ADAM22: variants seen among roughly 807,000 people sequenced by gnomAD.
ADAM22 encodes the protein ADAM metallopeptidase domain 22.
ADAM22 carries 65 observed loss-of-function variants against 144.6 expected under a neutral mutation model. The ratio of observed to expected loss-of-function variants is 0.45; its 90% CI spans 0.37 to 0.55. ADAM22 has a LOEUF of 0.55. Among genes scored for constraint, ADAM22 ranks in the 20% least tolerant of loss-of-function variants. ADAM22 has a pLI of 0.00. For missense variants in ADAM22, 974 were observed against 1,184.9 expected, an observed-to-expected ratio of 0.82 and a Z score of 2.61; for synonymous variants, 391 against 412.6, an observed-to-expected ratio of 0.95 and a Z score of 0.63.
intron 3 of ADAM22, among the ~76,000 whole-genome samples, chr7:87,999,716 A>T (rs1792082107): frequency 6.6e-6 from 1 of 152,208 alleles, no homozygotes; most frequent in African/African-American, 2.4e-5. Flanking sequence ...GTTATACGGG[A>T]TTAAAATTTT....
At chr7:88,025,640 A>G (rs183149821) in intron 3 of ADAM22, among the ~76,000 whole-genome samples, 160 of 152,234 alleles carry the variant, frequency 1.1e-3, no homozygotes, top group African/African-American at 3.3e-3. Context: ...TCCCCAATGT[A>G]TATTCTTGGC....
chr7:87,934,605 G>A (rs1490198426), intron 1 of ADAM22, 55 bp downstream of exon 1: 2 of 1,527,250 alleles, frequency 1.3e-6, no homozygotes, highest in African/African-American at 2.7e-5. Flanking sequence ...GGAATCTTTG[G>A]AGCCCTCAGG....
intron 2 of ADAM22, among the ~76,000 whole-genome samples, chr7:87,957,772 C>T (rs188455115): frequency 2.2e-4 from 34 of 152,080 alleles, no homozygotes; most frequent in African/African-American, 7.2e-4. Flanking sequence ...TTAGTAGAAA[C>T]GGGGTTTCAC....
At chr7:88,144,067 C>T (rs775449406) in intron 15 of ADAM22, among the ~76,000 whole-genome samples, 13 of 152,012 alleles carry the variant, frequency 8.6e-5, no homozygotes, top group South Asian at 6.2e-4. Context: ...TGATCAGTTT[C>T]GACCAAAAAT....
chr7:87,989,131 T>G (rs1028234683), intron 3 of ADAM22, among the ~76,000 whole-genome samples: 2 of 152,224 alleles, frequency 1.3e-5, no homozygotes, highest in African/African-American at 4.8e-5. Context: ...GTTTGGTTTT[T>G]GAAGGTGAAA....
chr7:88,156,052 C>A, intron 22 of ADAM22, 46 bp downstream of exon 22: 2 of 1,602,224 alleles, frequency 1.2e-6, no homozygotes, highest in South Asian at 2.2e-5. Flanking sequence ...TCTTATTTCT[C>A]AGGAATGCAG....
At chr7:87,998,616 C>A (rs1024610308) in intron 3 of ADAM22, among the ~76,000 whole-genome samples, 1 of 152,138 alleles carries the variant, frequency 6.6e-6, no homozygotes, top group Non-Finnish European at 1.5e-5. Flanking sequence ...GTCTCGAACT[C>A]TTGACCTTGT....
chr7:88,001,674 T>G (rs902971597), intron 3 of ADAM22, among the ~76,000 whole-genome samples: 2 of 152,038 alleles, frequency 1.3e-5, no homozygotes, highest in Admixed American at 1.3e-4. Context: ...AGGTCAGAAC[T>G]GATTGTGGCC....
intron 29 of ADAM22, 61 bp from the exon 30 acceptor site, chr7:88,186,554 G>A (rs1848359186): frequency 3.7e-6 from 4 of 1,082,368 alleles, no homozygotes; most frequent in Non-Finnish European, 4.3e-6. Flanking sequence ...AGCTTGTGCT[G>A]TGTATTTTCA....
intron 24 of ADAM22, among the ~76,000 whole-genome samples, chr7:88,166,181 C>G (rs1479504073): frequency 2.0e-5 from 3 of 152,046 alleles, no homozygotes; most frequent in African/African-American, 7.2e-5. Flanking sequence ...CTACTTCATT[C>G]TGAGATTTTT....
At chr7:88,115,811 G>A (rs1022138265) in intron 6 of ADAM22, among the ~76,000 whole-genome samples, 1 of 152,160 alleles carries the variant, frequency 6.6e-6, no homozygotes, top group Non-Finnish European at 1.5e-5. Context: ...GCTCTATGCT[G>A]ATGAAGTTTA....
At chr7:87,935,313 T>A in intron 2 of ADAM22, 127 bp downstream of exon 2, 2 of 1,074,126 alleles carry the variant, frequency 1.9e-6, no homozygotes, top group Non-Finnish European at 2.6e-6. Flanking sequence ...CCGATGCGAG[T>A]CATGCATGGC....
intron 2 of ADAM22, among the ~76,000 whole-genome samples, chr7:87,965,712 C>T (rs1848902568): frequency 6.6e-6 from 1 of 152,136 alleles, no homozygotes; most frequent in Non-Finnish European, 1.5e-5. Flanking sequence ...AAAGAAAAAT[C>T]CATTGATATT....
In ADAM22 at chr7:88,148,920, A is replaced by G. The variant is rs568865334; in HGVS notation, c.1486-57A>G. ...TTTCATTTTGTTTTTTTTAGATGAT[A>G]TTGTAAGATTTTTTTTTCTCCCTAC... On this transcript the variant is annotated intron_variant, in intron 17 of 31. Transcript: ENST00000413139. 6.1e-6 allele frequency: 8 copies of G among 1,310,290 alleles called. No homozygotes were observed. The Admixed American group carries it at 6.5e-5, about 11-fold the overall frequency. 81.2% of individuals were successfully genotyped at this position (1,310,290 alleles called of 1,614,324 possible). A position where few individuals can be genotyped will look rare whatever the true frequency, so the allele number is the denominator to read the frequency against.
At chr7:88,146,533 C>T (rs879476300) in intron 17 of ADAM22, among the ~76,000 whole-genome samples, 1 of 152,178 alleles carries the variant, frequency 6.6e-6, no homozygotes, top group Admixed American at 6.5e-5. Context: ...CTCTGCATTC[C>T]ACCCATTAGG....
intron 2 of ADAM22, among the ~76,000 whole-genome samples, chr7:87,972,197 C>T (rs1472756918): frequency 1.3e-5 from 2 of 152,106 alleles, no homozygotes; most frequent in Non-Finnish European, 2.9e-5. Flanking sequence ...TTGTCTCAGC[C>T]CAAAATCTCC....
chr7:88,052,124 C>G (rs1376845112), intron 3 of ADAM22, among the ~76,000 whole-genome samples: 1 of 152,096 alleles, frequency 6.6e-6, no homozygotes, highest in East Asian at 1.9e-4. Flanking sequence ...GGTGTCCCTG[C>G]TATCCACTTC....
At chr7:88,134,752 G>T (rs1465149922) in intron 13 of ADAM22, among the ~76,000 whole-genome samples, 3 of 151,992 alleles carry the variant, frequency 2.0e-5, no homozygotes, top group Admixed American at 6.6e-5. Context: ...AGACGTACTG[G>T]TTTTTTTATG....
intron 3 of ADAM22, among the ~76,000 whole-genome samples, chr7:88,031,682 G>A (rs1238572698): frequency 6.6e-6 from 1 of 152,250 alleles, no homozygotes; most frequent in Non-Finnish European, 1.5e-5. Context: ...TAAAAGGGAA[G>A]CAGAGCATGC....
Sources: allele counts gnomAD v4.1 joint callset (sites outside exome capture counted in the v4.1 genomes callset), GRCh38; gene constraint gnomAD v4.1.1; transcripts MANE v1.5; gene names NCBI Gene and HGNC (gene_info 2026-07-23, HGNC 2026-07-21).